Variants in CRB1 observed in about 807,000 individuals in gnomAD.
CRB1 encodes the protein crumbs cell polarity complex component 1.
In CRB1, 83 loss-of-function variants were observed where a neutral mutation model predicts 120.0. That is an observed-to-expected ratio of 0.69 (90% CI 0.58 to 0.83). The LOEUF is 0.83. CRB1 is among the 40% of genes least tolerant of loss of function. The probability of loss-of-function intolerance (pLI) is 0.00; values close to 1 mark genes in which losing one functional copy is unlikely to be tolerated. For synonymous variants in CRB1, 625 were observed against 612.5 expected (o/e 1.02, Z -0.30); for missense variants, 1,699 against 1,687.6 (o/e 1.01, Z -0.12).
intron 1 of CRB1, among the ~76,000 whole-genome samples, chr1:197,305,006 C>T (rs1657082553): frequency 6.6e-6 from 1 of 152,128 alleles, no homozygotes; most frequent in Non-Finnish European, 1.5e-5. Context: ...ACTGGAAGGC[C>T]CTGCAGAGCC....
intron 5 of CRB1, among the ~76,000 whole-genome samples, chr1:197,386,871 TTAA>T (rs1454497737): frequency 6.6e-6 from 1 of 152,156 alleles, no homozygotes; most frequent in African/African-American, 2.4e-5. Flanking sequence ...CTGTCAATTG[TTAA>T]TAATTTTATA....
intron 4 of CRB1, among the ~76,000 whole-genome samples, chr1:197,352,987 A>G (rs1660193280): frequency 6.6e-6 from 1 of 152,200 alleles, no homozygotes; most frequent in Non-Finnish European, 1.5e-5. Context: ...TTGAAGGTCT[A>G]CTGCTTACAT....
intron 5 of CRB1, among the ~76,000 whole-genome samples, chr1:197,393,139 A>T (rs1403262349): frequency 6.6e-6 from 1 of 152,144 alleles, no homozygotes; most frequent in Non-Finnish European, 1.5e-5. Flanking sequence ...GAATGCAGAG[A>T]GGAAAAAATA....
the CRB1 span, among the ~76,000 whole-genome samples, chr1:197,259,936 G>T: frequency 6.6e-6 from 1 of 151,230 alleles, no homozygotes; most frequent in Non-Finnish European, 1.5e-5. Flanking sequence ...GATCGCCTGA[G>T]CCCAGAAGTT....
At chr1:197,268,008 G>T (rs760981758), upstream of CRB1, among the ~76,000 whole-genome samples, 1 of 152,158 alleles carries the variant, frequency 6.6e-6, no homozygotes, top group African/African-American at 2.4e-5. Context: ...TTTAAAAGTT[G>T]CCAGATCATA....
intron 5 of CRB1, among the ~76,000 whole-genome samples, chr1:197,411,087 G>C (rs1158172520): frequency 6.6e-6 from 1 of 152,074 alleles, no homozygotes; most frequent in African/African-American, 2.4e-5. Flanking sequence ...TTTTCTCCTG[G>C]TTAAACATTC....
chr1:197,446,716 A>G (rs1294452052), intron 11 of CRB1, among the ~76,000 whole-genome samples: 1 of 152,188 alleles, frequency 6.6e-6, no homozygotes, highest in Admixed American at 6.5e-5. Flanking sequence ...GCACTACCAT[A>G]TATAGTTGTA....
chr1:197,336,625 G>T (rs1173418319), intron 2 of CRB1, among the ~76,000 whole-genome samples: 1 of 152,180 alleles, frequency 6.6e-6, no homozygotes, highest in East Asian at 1.9e-4. Flanking sequence ...TTTGTTGAAT[G>T]AGTGCACAAA....
intron 1 of CRB1, among the ~76,000 whole-genome samples, chr1:197,285,940 T>C (rs1409665764): frequency 1.3e-5 from 2 of 151,930 alleles, no homozygotes; most frequent in African/African-American, 2.4e-5. Flanking sequence ...CTTTCTCTCC[T>C]TTTTTTAATT....
chr1:197,368,881 A>G (rs556554466), intron 5 of CRB1, among the ~76,000 whole-genome samples: 1 of 152,348 alleles, frequency 6.6e-6, no homozygotes, highest in South Asian at 2.1e-4. Context: ...CTGTCCTGGC[A>G]ACTTAGAAGA....
At chr1:197,234,169 T>C in the CRB1 span, among the ~76,000 whole-genome samples, 1 of 152,218 alleles carries the variant, frequency 6.6e-6, no homozygotes, top group African/African-American at 2.4e-5. Flanking sequence ...AAAAATTCAT[T>C]GATAATCTTC....
the CRB1 span, among the ~76,000 whole-genome samples, chr1:197,217,750 G>T: frequency 1.3e-5 from 2 of 152,192 alleles, no homozygotes; most frequent in East Asian, 1.9e-4. Flanking sequence ...TGGTCATTTT[G>T]CACAACCTCA....
At chr1:197,398,892 TTGTGTG>T (rs140149936) in intron 5 of CRB1, among the ~76,000 whole-genome samples, 4,171 of 136,326 alleles carry the variant, frequency 0.031, 105 homozygotes, top group African/African-American at 0.061. Context: ...CAGGAAATGA[TTGTGTG>T]TGTGTGTGTG....
intron 4 of CRB1, among the ~76,000 whole-genome samples, chr1:197,348,754 G>A (rs928883881): frequency 2.6e-5 from 4 of 152,114 alleles, no homozygotes; most frequent in Non-Finnish European, 5.9e-5. Flanking sequence ...GGGATTACAG[G>A]CATAAGCCAC....
chr1:197,329,838 A>G (rs1475448204), intron 2 of CRB1, among the ~76,000 whole-genome samples: 3 of 152,078 alleles, frequency 2.0e-5, no homozygotes, highest in Non-Finnish European at 4.4e-5. Context: ...CCACTTTCTT[A>G]CAGTTCCTGA....
At chr1:197,345,242 G>A (rs909167190) in intron 3 of CRB1, among the ~76,000 whole-genome samples, 11 of 152,058 alleles carry the variant, frequency 7.2e-5, no homozygotes, top group African/African-American at 1.7e-4. Context: ...TAAAATTATC[G>A]TTTGATTCTT....
At chr1:197,410,606 C>G (rs757430517) in intron 5 of CRB1, among the ~76,000 whole-genome samples, 1 of 152,132 alleles carries the variant, frequency 6.6e-6, no homozygotes, top group African/African-American at 2.4e-5. Flanking sequence ...ACTGCTCTTC[C>G]CTTTTTACAG....
At chr1:197,241,139 A>G in the CRB1 span, among the ~76,000 whole-genome samples, 1 of 152,078 alleles carries the variant, frequency 6.6e-6, no homozygotes, top group African/African-American at 2.4e-5. Flanking sequence ...CTTTTCTCCC[A>G]TTCTGTAGGT....
chr1:197,342,726 T>C (rs75519027), intron 2 of CRB1, among the ~76,000 whole-genome samples: 5 of 152,204 alleles, frequency 3.3e-5, no homozygotes, highest in African/African-American at 1.2e-4. Flanking sequence ...CAAACATTTT[T>C]TATTCTACCT....
Sources: allele counts gnomAD v4.1 joint callset (sites outside exome capture counted in the v4.1 genomes callset), GRCh38; gene constraint gnomAD v4.1.1; transcripts MANE v1.5; gene names NCBI Gene and HGNC (gene_info 2026-07-23, HGNC 2026-07-21).